The following KATNIP variants were observed in gnomAD, a reference collection of about 807,000 sequenced individuals.
KATNIP encodes the protein katanin interacting protein.
Under a neutral mutation model 174.0 loss-of-function variants are expected in KATNIP, and 126 were observed. The observed-to-expected ratio is 0.72, with a 90% CI of 0.63 to 0.84. The LOEUF is 0.84. Ranked by LOEUF, KATNIP falls within the 40% of genes least tolerant of loss-of-function variation. The pLI is 0.00. For missense variants in KATNIP, 1,958 were observed against 2,109.7 expected (o/e 0.93, Z 1.41); for synonymous variants, 810 against 835.7 (o/e 0.97, Z 0.53).
chr16:27,620,707 G>T (rs981603406), intron 3 of KATNIP, among the ~76,000 whole-genome samples: 3 of 152,144 alleles, frequency 2.0e-5, no homozygotes, highest in Non-Finnish European at 2.9e-5. Flanking sequence ...GAAAACCCAG[G>T]CTGCTTATCT....
In KATNIP at chr16:27,626,719, C is replaced by T. The variant is rs1158828529; in HGVS notation, c.141-1942C>T. On this transcript the variant is annotated intron_variant, in intron 3 of 27. Coordinates refer to ENST00000261588, the MANE Select transcript of KATNIP (RefSeq NM_015202.5). ...CTGTAATCCCAACACTCTGGGAGGC[C>T]GAAGTGGGCAGATGGTCAGGAGTTT... Among the ~76,000 whole-genome samples, 7 of 151,924 alleles carry T rather than the reference C, an allele frequency of 4.6e-5. No individual in the cohort carries two copies. The South Asian group carries it at 6.2e-4, about 14-fold the overall frequency.
At chr16:27,620,869 G>A (rs927207233) in intron 3 of KATNIP, among the ~76,000 whole-genome samples, 1 of 152,192 alleles carries the variant, frequency 6.6e-6, no homozygotes, top group African/African-American at 2.4e-5. Flanking sequence ...TAAGTGCCTG[G>A]CATTGCCATT....
chr16:27,641,137 C>CAAA (rs1255873987), intron 5 of KATNIP, among the ~76,000 whole-genome samples: 2 of 124,766 alleles, frequency 1.6e-5, no homozygotes, highest in Non-Finnish European at 3.5e-5. Context: ...GGCTCTGTCT[C>CAAA]AAAAAAAAAA....
At chr16:27,605,760 A>G (rs1034287324) in intron 2 of KATNIP, among the ~76,000 whole-genome samples, 3 of 152,080 alleles carry the variant, frequency 2.0e-5, no homozygotes, top group Non-Finnish European at 4.4e-5. Context: ...TGCTGGTGTG[A>G]TGGGTGCATT....
chr16:27,739,908 A>C (rs1433620464), intron 14 of KATNIP, 133 bp from the exon 15 acceptor site: 1 of 887,844 alleles, frequency 1.1e-6, no homozygotes, highest in Non-Finnish European at 1.7e-6. Context: ...CACCCCCAGC[A>C]CTGTGGTTTT....
chr16:27,570,296 G>T (rs1263028633), intron 1 of KATNIP, among the ~76,000 whole-genome samples: 1 of 151,964 alleles, frequency 6.6e-6, no homozygotes, highest in Non-Finnish European at 1.5e-5. Context: ...AGGCGCAGTG[G>T]CTCACTCCTG....
chr16:27,682,437 T>G (rs2078380230), intron 8 of KATNIP, among the ~76,000 whole-genome samples: 1 of 152,188 alleles, frequency 6.6e-6, no homozygotes, highest in Admixed American at 6.5e-5. Context: ...TCAACAAGAT[T>G]CTTCTGGCTG....
At chr16:27,775,296 C>T (rs749030479) in intron 24 of KATNIP, among the ~76,000 whole-genome samples, 23 of 152,338 alleles carry the variant, frequency 1.5e-4, no homozygotes, top group Non-Finnish European at 2.6e-4. Flanking sequence ...TATAAGTGGA[C>T]ACCTGGGGCG....
intron 5 of KATNIP, among the ~76,000 whole-genome samples, chr16:27,634,536 A>G (rs1161633890): frequency 6.6e-6 from 1 of 152,164 alleles, no homozygotes; most frequent in East Asian, 1.9e-4. Context: ...GCAATCCAGG[A>G]ATCAGGGAGT....
chr16:27,635,836 T>G (rs1412345781), intron 5 of KATNIP, among the ~76,000 whole-genome samples: 1 of 152,088 alleles, frequency 6.6e-6, no homozygotes, highest in African/African-American at 2.4e-5. Flanking sequence ...CTTGCCAACA[T>G]TTAAATTAAC....
chr16:27,665,746 G>A (rs959129368), intron 6 of KATNIP, among the ~76,000 whole-genome samples: 2 of 151,110 alleles, frequency 1.3e-5, no homozygotes, highest in South Asian at 2.1e-4. Flanking sequence ...GACTACAGGC[G>A]TGTGCCACCA....
intron 2 of KATNIP, among the ~76,000 whole-genome samples, chr16:27,576,123 A>T (rs1313157364): frequency 6.6e-6 from 1 of 152,162 alleles, no homozygotes; most frequent in South Asian, 2.1e-4. Context: ...TCTCCACATT[A>T]AGAAATTAAC....
chr16:27,614,147 A>ATGAG (rs1420432329), intron 2 of KATNIP, among the ~76,000 whole-genome samples: 1 of 149,700 alleles, frequency 6.7e-6, no homozygotes, highest in Non-Finnish European at 1.5e-5. Flanking sequence ...GTGCTATCTC[A>ATGAG]GCTCACTGCA....
rs2081048397 is a variant in KATNIP, at chr16:27,740,148, C to T, written c.1851C>T (p.Ile617=). ...GGGAGGCCCCAGCTGACCACAGCAT[C>T]CTGGTTGACCAGAAGAACGAGAAGA... The part of the protein sequence containing the change: ...GDREAPADHS[I]LVDQKNEKSE... Residue 617 remains isoleucine (I), a synonymous_variant, in exon 15 of 28, where the codon ATC becomes ATT. Coordinates refer to ENST00000261588, the MANE Select transcript of KATNIP (RefSeq NM_015202.5). 3 of 1,614,050 alleles carry T rather than the reference C, an allele frequency of 1.9e-6. No homozygotes were observed. The highest frequency in any genetic ancestry group is 2.2e-5 in the East Asian group (1 of 44,880).
intron 2 of KATNIP, among the ~76,000 whole-genome samples, chr16:27,600,115 C>G (rs2075468148): frequency 6.6e-6 from 1 of 152,142 alleles, no homozygotes; most frequent in African/African-American, 2.4e-5. Context: ...CCTCACTAGA[C>G]CACCAGCTCC....
intron 13 of KATNIP, among the ~76,000 whole-genome samples, chr16:27,717,322 G>T (rs2079998760): frequency 6.6e-6 from 1 of 152,166 alleles, no homozygotes; most frequent in Non-Finnish European, 1.5e-5. Context: ...GTATCTCCCT[G>T]CAGGTTGCTA....
intron 1 of KATNIP, among the ~76,000 whole-genome samples, chr16:27,554,929 G>A (rs1259572599): frequency 6.6e-6 from 1 of 151,736 alleles, no homozygotes; most frequent in African/African-American, 2.4e-5. Flanking sequence ...GAGTAGCTGG[G>A]ATTACAGGTG....
At chr16:27,578,702 C>G (rs1417525713) in intron 2 of KATNIP, among the ~76,000 whole-genome samples, 2 of 152,138 alleles carry the variant, frequency 1.3e-5, no homozygotes, top group Non-Finnish European at 2.9e-5. Context: ...CTCAGCTTCC[C>G]AAGTAGGTGA....
intron 13 of KATNIP, among the ~76,000 whole-genome samples, chr16:27,712,742 A>G (rs968679783): frequency 2.0e-5 from 3 of 152,066 alleles, no homozygotes; most frequent in African/African-American, 7.2e-5. Context: ...TGAGTTACTG[A>G]CATGAATGTC....
Sources: allele counts gnomAD v4.1 joint callset (sites outside exome capture counted in the v4.1 genomes callset), GRCh38; gene constraint gnomAD v4.1.1; transcripts MANE v1.5; gene names NCBI Gene and HGNC (gene_info 2026-07-23, HGNC 2026-07-21).